ZBTB7C: variants seen among roughly 807,000 people sequenced by gnomAD.
ZBTB7C encodes zinc finger and BTB domain containing 7C, also known as zinc finger and BTB domain-containing protein 7C.
In ZBTB7C, 8 loss-of-function variants were observed where a neutral mutation model predicts 25.7. That is an observed-to-expected ratio of 0.31 (90% CI 0.18 to 0.56). The LOEUF (loss-of-function observed/expected upper bound fraction) is 0.56. Among genes scored for constraint, ZBTB7C ranks in the 20% least tolerant of loss-of-function variants. The probability of loss-of-function intolerance (pLI) is 0.91; values close to 1 mark genes in which losing one functional copy is unlikely to be tolerated. For synonymous variants in ZBTB7C, 394 were observed against 369.0 expected (o/e 1.07, Z -0.78); for missense variants, 824 against 855.2 (o/e 0.96, Z 0.46).
intron 3 of ZBTB7C, among the ~76,000 whole-genome samples, chr18:48,141,647 C>T (rs960936172): frequency 2.0e-5 from 3 of 152,190 alleles, no homozygotes; most frequent in Non-Finnish European, 2.9e-5. Context: ...GCGGGTCAGT[C>T]TTTCTCTCGC....
intron 3 of ZBTB7C, among the ~76,000 whole-genome samples, chr18:48,104,774 T>C (rs1414233306): frequency 6.6e-6 from 1 of 152,194 alleles, no homozygotes; most frequent in Non-Finnish European, 1.5e-5. Flanking sequence ...CAGGTTTCAC[T>C]GGGTGGTCCA....
intron 2 of ZBTB7C, among the ~76,000 whole-genome samples, chr18:48,260,173 C>T (rs2044131379): frequency 6.6e-6 from 1 of 152,176 alleles, no homozygotes; most frequent in African/African-American, 2.4e-5. Context: ...AATGAATGAA[C>T]TACTGATACA....
At chr18:48,200,858 C>A (rs1338759143) in intron 2 of ZBTB7C, among the ~76,000 whole-genome samples, 1 of 152,214 alleles carries the variant, frequency 6.6e-6, no homozygotes, top group Non-Finnish European at 1.5e-5. Flanking sequence ...TGGCCCAGGT[C>A]CCCACCTGCC....
chr18:48,281,638 C>A (rs1441995193), intron 2 of ZBTB7C, among the ~76,000 whole-genome samples: 4 of 152,148 alleles, frequency 2.6e-5, no homozygotes, highest in East Asian at 1.9e-4. Flanking sequence ...ACCCCATCAA[C>A]AAGTGGGTGA....
chr18:48,373,973 A>G (rs1300763172), intron 1 of ZBTB7C, among the ~76,000 whole-genome samples: 1 of 149,438 alleles, frequency 6.7e-6, no homozygotes, highest in Non-Finnish European at 1.5e-5. Context: ...AAAAAAAAAA[A>G]GCATGTGGCA....
intron 3 of ZBTB7C, among the ~76,000 whole-genome samples, chr18:48,055,410 CAA>C (rs57782791): frequency 0.022 from 1,575 of 72,748 alleles, 18 homozygotes; most frequent in African/African-American, 0.077. Flanking sequence ...ACTCAAGTCT[CAA>C]AAAAAAAAAA....
At chr18:48,145,279 G>A (rs571982150) in intron 3 of ZBTB7C, among the ~76,000 whole-genome samples, 108 of 152,280 alleles carry the variant, frequency 7.1e-4, no homozygotes, top group African/African-American at 2.6e-3. Flanking sequence ...TCAAAGGCCT[G>A]TCCCTTCCCA....
chr18:48,055,417 A>T, intron 3 of ZBTB7C, among the ~76,000 whole-genome samples: 1 of 150,776 alleles, frequency 6.6e-6, no homozygotes, highest in Admixed American at 6.6e-5. Context: ...TCTCAAAAAA[A>T]AAAAAAAAAA....
At chr18:48,151,412 G>A (rs2040674873) in intron 3 of ZBTB7C, among the ~76,000 whole-genome samples, 1 of 152,180 alleles carries the variant, frequency 6.6e-6, no homozygotes, top group East Asian at 1.9e-4. Context: ...GTATGAACAT[G>A]TTCATGGTGC....
chr18:48,388,727 C>T (rs1219415942), intron 1 of ZBTB7C, among the ~76,000 whole-genome samples: 2 of 152,038 alleles, frequency 1.3e-5, no homozygotes, highest in African/African-American at 4.8e-5. Flanking sequence ...CCAGCCTGGG[C>T]AACAGACCAA....
At chr18:48,328,181 CAA>C (rs55654378) in intron 2 of ZBTB7C, among the ~76,000 whole-genome samples, 23 of 58,826 alleles carry the variant, frequency 3.9e-4, no homozygotes, top group Admixed American at 5.3e-4. Flanking sequence ...GACTCTGTCT[CAA>C]AAAAAAAAAA....
chr18:48,179,076 C>T (rs991599039), intron 3 of ZBTB7C, among the ~76,000 whole-genome samples: 5 of 152,228 alleles, frequency 3.3e-5, no homozygotes, highest in African/African-American at 1.2e-4. Flanking sequence ...CTTGGATGCC[C>T]TCTGCTGCCC....
intron 2 of ZBTB7C, among the ~76,000 whole-genome samples, chr18:48,315,201 G>C (rs1328164663): frequency 6.6e-6 from 1 of 152,170 alleles, no homozygotes; most frequent in Non-Finnish European, 1.5e-5. Flanking sequence ...ACCCTGAGAG[G>C]ATCACCAGTT....
At position 48,393,230 on chromosome 18, in the gene ZBTB7C, A is replaced by G. The variant is rs919047712; in HGVS notation, c.-304+15996T>C. Among the ~76,000 whole-genome samples, 7 of 135,616 alleles carry G rather than the reference A, an allele frequency of 5.2e-5. No homozygotes were observed. The East Asian group carries it at 1.0e-3, about 20-fold the overall frequency. The allele number at this position is 135,616 out of a possible 152,430, so 89.0% of individuals were successfully genotyped here. On this transcript the variant is annotated intron_variant, in intron 1 of 4. Transcript: ENST00000590800. ...CTGCCCAGAGTATGGCTGCCCCCCAATATCCCCACTCCCACCTCCCCACCC... is the reference window on the plus strand; with the variant it reads ...CTGCCCAGAGTATGGCTGCCCCCCAGTATCCCCACTCCCACCTCCCCACCC...
intron 1 of ZBTB7C, among the ~76,000 whole-genome samples, chr18:48,339,021 A>G (rs79041695): frequency 0.032 from 4,904 of 152,234 alleles, 100 homozygotes; most frequent in South Asian, 0.097. Context: ...AACCTTGCTG[A>G]GATGAGGAAC....
chr18:48,161,743 G>A (rs1251951107), intron 3 of ZBTB7C, among the ~76,000 whole-genome samples: 1 of 129,514 alleles, frequency 7.7e-6, no homozygotes, highest in Non-Finnish European at 1.7e-5. Context: ...CCGCTCCGGA[G>A]GCCCCTCCTC....
intron 1 of ZBTB7C, among the ~76,000 whole-genome samples, chr18:48,388,575 A>C (rs904936851): frequency 4.6e-5 from 7 of 152,130 alleles, no homozygotes; most frequent in Non-Finnish European, 1.0e-4. Flanking sequence ...TAGCAAACTG[A>C]TTTTGAAATA....
intron 2 of ZBTB7C, among the ~76,000 whole-genome samples, chr18:48,197,960 G>C (rs928012391): frequency 5.3e-5 from 8 of 152,106 alleles, no homozygotes; most frequent in Admixed American, 6.5e-5. Flanking sequence ...ACATGTTTCT[G>C]TTCCCTGTAT....
At chr18:48,057,504 A>G (rs1174193369) in intron 3 of ZBTB7C, among the ~76,000 whole-genome samples, 1 of 152,230 alleles carries the variant, frequency 6.6e-6, no homozygotes, top group African/African-American at 2.4e-5. Context: ...CCATGTGTAC[A>G]TACTGGTTTG....
Sources: allele counts gnomAD v4.1 joint callset (sites outside exome capture counted in the v4.1 genomes callset), GRCh38; gene constraint gnomAD v4.1.1; transcripts MANE v1.5; gene names NCBI Gene and HGNC (gene_info 2026-07-23, HGNC 2026-07-21).